The following POC1B variants were observed in gnomAD, a reference collection of about 807,000 sequenced individuals.
The protein encoded by POC1B is POC1 centriolar protein B, also known as POC1 centriolar protein homolog B.
Under a neutral mutation model 60.6 loss-of-function variants are expected in POC1B, and 44 were observed. The ratio of observed to expected loss-of-function variants is 0.73; its 90% CI spans 0.57 to 0.93. The LOEUF is 0.93. POC1B is among the 40% of genes least tolerant of loss of function. The pLI is 0.00. For missense variants in POC1B, 555 were observed against 572.3 expected, an observed-to-expected ratio of 0.97 and a Z score of 0.31; for synonymous variants, 180 against 198.9, an observed-to-expected ratio of 0.90 and a Z score of 0.80.
At chr12:89,503,392 CA>C (rs1236440275) in intron 2 of POC1B, among the ~76,000 whole-genome samples, 1 of 152,258 alleles carries the variant, frequency 6.6e-6, no homozygotes, top group Non-Finnish European at 1.5e-5. Context: ...GCCGGGATTG[CA>C]GACGGAGTCT....
At chr12:89,489,999 T>C (rs918135710) in intron 4 of POC1B, among the ~76,000 whole-genome samples, 2 of 152,150 alleles carry the variant, frequency 1.3e-5, no homozygotes, top group Non-Finnish European at 2.9e-5. Context: ...AGCTTTCCTT[T>C]TCAGTCAGTC....
chr12:89,453,539 G>C lies in POC1B; in HGVS notation c.1113+6099C>G, dbSNP rs1368838853. ...CTAATGCTTAGGAAGCAGCCACAAA[G>C]TTATAGATAAATACACCTAGTTTCA... On this transcript the variant is annotated intron_variant, in intron 10 of 11. Coordinates refer to ENST00000313546, the MANE Select transcript of POC1B (RefSeq NM_172240.3). 2.0e-5 allele frequency among the ~76,000 whole-genome samples: 3 copies of C among 152,280 alleles called. No individual in the cohort carries two copies. In the East Asian group the frequency reaches 5.8e-4, roughly 29 times the overall value.
chr12:89,436,305 A>G (rs1304188091), intron 10 of POC1B, among the ~76,000 whole-genome samples: 1 of 152,208 alleles, frequency 6.6e-6, no homozygotes, highest in African/African-American at 2.4e-5. Flanking sequence ...TCACTACATT[A>G]TGACATACTT....
chr12:89,497,168 T>C lies in POC1B; in HGVS notation c.272+3A>G. The C allele has an allele frequency of 6.2e-7, 1 of 1,610,780 alleles. No homozygotes were observed. Among genetic ancestry groups the C allele is most frequent in the Admixed American group, 1.7e-5 (1 of 59,312 alleles). ...ATATCAAGTGTTTCTTTGTTTCTCTTACTTATCAGGAATCCAGAGTCTCAC... is the reference window on the plus strand; with the variant it reads ...ATATCAAGTGTTTCTTTGTTTCTCTCACTTATCAGGAATCCAGAGTCTCAC... On this transcript the variant is annotated splice_donor_region_variant and intron_variant, in intron 3 of 11. Transcript: ENST00000313546.
At chr12:89,517,036 T>C (rs186496422) in intron 2 of POC1B, among the ~76,000 whole-genome samples, 1 of 152,264 alleles carries the variant, frequency 6.6e-6, no homozygotes, top group East Asian at 1.9e-4. Context: ...GACTACGACA[T>C]GGACACATGT....
At chr12:89,408,265 A>C in the POC1B span, among the ~76,000 whole-genome samples, 1 of 152,300 alleles carries the variant, frequency 6.6e-6, no homozygotes, top group East Asian at 1.9e-4. Flanking sequence ...TGCAATAAAC[A>C]TATGTGTACA....
chr12:89,501,467 A>G, intron 2 of POC1B: 1 of 1,007,712 alleles, frequency 9.9e-7, no homozygotes, highest in Non-Finnish European at 1.5e-6. Context: ...GACAAATTTC[A>G]AAGAAATTCA....
At chr12:89,423,148 G>A (rs1056899695) in intron 11 of POC1B, among the ~76,000 whole-genome samples, 2 of 150,970 alleles carry the variant, frequency 1.3e-5, no homozygotes, top group Admixed American at 6.6e-5. Context: ...GTGACCATAG[G>A]TGCGTGCCAC....
At chr12:89,433,692 G>A (rs1249125215) in intron 10 of POC1B, among the ~76,000 whole-genome samples, 1 of 152,144 alleles carries the variant, frequency 6.6e-6, no homozygotes, top group Non-Finnish European at 1.5e-5. Context: ...GAAGAGTGTT[G>A]GCCAAAGAGT....
intron 10 of POC1B, among the ~76,000 whole-genome samples, chr12:89,435,794 G>A (rs1295679579): frequency 2.6e-5 from 4 of 152,074 alleles, no homozygotes; most frequent in African/African-American, 9.7e-5. Flanking sequence ...TTTCATAGAT[G>A]CCATGAGTCA....
At chr12:89,459,796 G>T in intron 9 of POC1B, 78 bp from the exon 10 acceptor site, 1 of 779,428 alleles carries the variant, frequency 1.3e-6, no homozygotes, top group Non-Finnish European at 1.9e-6. Flanking sequence ...AACCTGGAGG[G>T]CATTTTCTAA....
At chr12:89,422,401 CTT>C (rs1880579142) in intron 11 of POC1B, among the ~76,000 whole-genome samples, 1 of 152,332 alleles carries the variant, frequency 6.6e-6, no homozygotes, top group East Asian at 1.9e-4. Flanking sequence ...CTCTCCCTCT[CTT>C]TTCTTTACAA....
rs1739369251 is a variant in POC1B, at chr12:89,524,331, T to C, written c.100+789A>G. ...TGCTGGCTTTCCCCCACTCCCCAAGTGCACGGGAATCTGCAGGGGGCTTCT... is the reference window on the plus strand; with the variant it reads ...TGCTGGCTTTCCCCCACTCCCCAAGCGCACGGGAATCTGCAGGGGGCTTCT... On this transcript the variant is annotated intron_variant, in intron 2 of 11. Transcript: ENST00000313546. The C allele has an allele frequency of 1.9e-6, 3 of 1,614,034 alleles. No individual in the cohort carries two copies. In the African/African-American group the frequency reaches 4.0e-5, roughly 22 times the overall value.
chr12:89,410,286 G>T, the POC1B span, among the ~76,000 whole-genome samples: 47 of 152,260 alleles, frequency 3.1e-4, no homozygotes, highest in African/African-American at 1.1e-3. Flanking sequence ...CAATAAACTA[G>T]GTATTGACGG....
intron 10 of POC1B, among the ~76,000 whole-genome samples, chr12:89,440,348 C>T (rs769132363): frequency 6.6e-6 from 1 of 152,168 alleles, no homozygotes. Context: ...CCAGTCTCCA[C>T]GTATCTACCA....
chr12:89,449,933 A>G (rs1313266305), intron 10 of POC1B, among the ~76,000 whole-genome samples: 1 of 152,170 alleles, frequency 6.6e-6, no homozygotes, highest in African/African-American at 2.4e-5. Context: ...AACAATACAA[A>G]TTGAGGGTAC....
intron 9 of POC1B, among the ~76,000 whole-genome samples, chr12:89,463,373 T>A (rs946461809): frequency 1.3e-5 from 2 of 152,186 alleles, no homozygotes; most frequent in African/African-American, 4.8e-5. Flanking sequence ...GGCTCTACTG[T>A]CTTCTCATCA....
intron 5 of POC1B, 44 bp downstream of exon 5, chr12:89,472,124 T>C (rs1346846867): frequency 7.9e-7 from 1 of 1,270,284 alleles, no homozygotes; most frequent in African/African-American, 1.5e-5. Context: ...AAACGTCTCC[T>C]TAGAAAACTA....
At position 89,471,768 on chromosome 12, in the gene POC1B, C is replaced by CTTT. The variant is rs776025659; in HGVS notation, c.561-42_561-40dup. The CTTT allele has an allele frequency of 0.12, 100,481 of 804,560 alleles. 3,314 individuals are homozygous for CTTT. The highest frequency in any genetic ancestry group is 0.18 in the South Asian group (9,149 of 50,122). 49.8% of individuals were successfully genotyped at this position (804,560 alleles called of 1,614,324 possible). On this transcript the variant is annotated intron_variant, in intron 5 of 11. Coordinates refer to ENST00000313546, the MANE Select transcript of POC1B (RefSeq NM_172240.3). ...ATAAGATGACCTAATATTTCAATTT[C>CTTT]TTTTTTTTTTTTTTTTGAGACGGAA...
Sources: allele counts gnomAD v4.1 joint callset (sites outside exome capture counted in the v4.1 genomes callset), GRCh38; gene constraint gnomAD v4.1.1; transcripts MANE v1.5; gene names NCBI Gene and HGNC (gene_info 2026-07-23, HGNC 2026-07-21).